Variants in ZMYM4 observed in about 807,000 individuals in gnomAD.
ZMYM4 encodes zinc finger MYM-type containing 4, also known as zinc finger MYM-type protein 4.
A neutral mutation model predicts 183.2 loss-of-function variants in ZMYM4; 31 were observed. That is an observed-to-expected ratio of 0.17 (90% confidence interval 0.13 to 0.23). The LOEUF (loss-of-function observed/expected upper bound fraction) is 0.23, where lower values mean the gene tolerates loss of function less well. Among genes scored for constraint, ZMYM4 ranks in the 10% least tolerant of loss-of-function variants. The pLI, the probability that ZMYM4 is intolerant of heterozygous loss-of-function variation, is 1.00. For synonymous variants in ZMYM4, 592 were observed against 631.2 expected, an observed-to-expected ratio of 0.94 and a Z score of 0.93; for missense variants, 1,273 against 1,840.3, an observed-to-expected ratio of 0.69 and a Z score of 5.64.
intron 1 of ZMYM4, among the ~76,000 whole-genome samples, chr1:35,273,148 G>A (rs1639701167): frequency 6.6e-6 from 1 of 152,136 alleles, no homozygotes; most frequent in South Asian, 2.1e-4. Context: ...CTCTCAATTT[G>A]TGAACACGGG....
intron 9 of ZMYM4, among the ~76,000 whole-genome samples, chr1:35,384,392 T>C (rs896993983): frequency 2.0e-5 from 3 of 152,214 alleles, no homozygotes; most frequent in African/African-American, 7.2e-5. Context: ...AATTGATTCT[T>C]TAAGAAGGAA....
chr1:35,385,304 CTA>C (rs1644552514), intron 9 of ZMYM4, 136 bp from the exon 10 acceptor site: 1 of 906,090 alleles, frequency 1.1e-6, no homozygotes, highest in African/African-American at 1.7e-5. Flanking sequence ...ATGAAACTTC[CTA>C]TTGAGGATTA....
rs768356362 is a variant in ZMYM4, at chr1:35,361,805, T to C, written c.840+16T>C. Reference sequence around the variant, plus strand: ...CAATGCTCAAGTAAACATTTCACCTTTTTTCCCCCCTTCTTTTTGTTCCAC... The same window carrying C: ...CAATGCTCAAGTAAACATTTCACCTCTTTTCCCCCCTTCTTTTTGTTCCAC... On this transcript the variant is annotated intron_variant, in intron 5 of 29. Transcript: ENST00000314607. 26 of 1,591,324 alleles carry C rather than the reference T, an allele frequency of 1.6e-5. No individual in the cohort carries two copies. Among genetic ancestry groups the C allele is most frequent in the Non-Finnish European group, 2.2e-5 (26 of 1,171,664 alleles).
rs540610323 is a variant in ZMYM4, at chr1:35,385,689, A to G, written c.1720+97A>G. 198 of 1,333,462 alleles carry G rather than the reference A, an allele frequency of 1.5e-4. 1 individual carries two copies. In the African/African-American group the frequency reaches 1.9e-3, roughly 13 times the overall value. The allele number at this position is 1,333,462 out of a possible 1,614,324, so 82.6% of individuals were successfully genotyped here. A position where few individuals can be genotyped will look rare whatever the true frequency, so the allele number is the denominator to read the frequency against. On this transcript the variant is annotated intron_variant, in intron 10 of 29. Coordinates refer to ENST00000314607, the MANE Select transcript of ZMYM4 (RefSeq NM_005095.3). ...TTTTTTTGGTTGATTTTTAAGGCAC[A>G]TTTAACATATTTCAGATATTTGTTG...
intron 26 of ZMYM4, 45 bp downstream of exon 26, chr1:35,408,204 G>A: frequency 6.2e-7 from 1 of 1,607,452 alleles, no homozygotes; most frequent in Non-Finnish European, 8.5e-7. Context: ...CAAATCCATT[G>A]ACCAGAATAT....
intron 1 of ZMYM4, among the ~76,000 whole-genome samples, chr1:35,285,588 C>T (rs186847720): frequency 2.2e-4 from 33 of 152,042 alleles, no homozygotes; most frequent in South Asian, 6.2e-4. Flanking sequence ...AAAAAAAATA[C>T]AACATTTAAA....
chr1:35,325,676 C>G (rs10493071), intron 2 of ZMYM4, among the ~76,000 whole-genome samples: 10,934 of 151,874 alleles, frequency 0.072, 1,014 homozygotes, highest in African/African-American at 0.21. Context: ...ATTATACTTA[C>G]CACTATTAAG....
At chr1:35,280,068 G>A (rs1431160442) in intron 1 of ZMYM4, among the ~76,000 whole-genome samples, 1 of 149,160 alleles carries the variant, frequency 6.7e-6, no homozygotes, top group Non-Finnish European at 1.5e-5. Context: ...CAATTTCAAA[G>A]CCACCTTTAC....
At chr1:35,354,722 G>C (rs1230642112) in intron 2 of ZMYM4, among the ~76,000 whole-genome samples, 1 of 58,502 alleles carries the variant, frequency 1.7e-5, no homozygotes, top group Non-Finnish European at 2.8e-5. Context: ...GTGAAACTTT[G>C]TCTTTAAAAA....
intron 1 of ZMYM4, among the ~76,000 whole-genome samples, chr1:35,271,458 G>A (rs1356528476): frequency 2.6e-5 from 4 of 151,912 alleles, no homozygotes; most frequent in South Asian, 2.1e-4. Flanking sequence ...GCTAGAGTGC[G>A]GTGGCGCAAT....
chr1:35,411,293 ACAGGCGCCCGC>A (rs1639884101), intron 26 of ZMYM4, among the ~76,000 whole-genome samples: 1 of 148,082 alleles, frequency 6.8e-6, no homozygotes, highest in African/African-American at 2.5e-5. Context: ...AGCTGGGATT[ACAGGCGCCCGC>A]CACTATGCCC....
chr1:35,406,251 A>G (rs933232136), intron 25 of ZMYM4, among the ~76,000 whole-genome samples: 2 of 152,292 alleles, frequency 1.3e-5, no homozygotes, highest in Non-Finnish European at 2.9e-5. Flanking sequence ...TGACTAACTC[A>G]TTGAGTTCCT....
chr1:35,289,581 C>T (rs998754954), intron 1 of ZMYM4, among the ~76,000 whole-genome samples: 6 of 152,124 alleles, frequency 3.9e-5, no homozygotes, highest in Admixed American at 1.3e-4. Context: ...TTACTTAACA[C>T]CTACAGTGTA....
chr1:35,347,699 A>G (rs1249751864), intron 2 of ZMYM4, among the ~76,000 whole-genome samples: 1 of 152,178 alleles, frequency 6.6e-6, no homozygotes. Flanking sequence ...AAATTTTGGA[A>G]TTAGAAGGAA....
intron 2 of ZMYM4, among the ~76,000 whole-genome samples, chr1:35,332,518 T>C (rs1017489336): frequency 1.9e-4 from 29 of 151,808 alleles, no homozygotes; most frequent in Non-Finnish European, 2.9e-5. Flanking sequence ...TGTTCACTCA[T>C]GTTTGGTGCC....
At chr1:35,359,850 A>G (rs1021128394) in intron 3 of ZMYM4, among the ~76,000 whole-genome samples, 2 of 151,728 alleles carry the variant, frequency 1.3e-5, no homozygotes, top group African/African-American at 4.8e-5. Flanking sequence ...TTTAATTTTA[A>G]TTTAATTTTT....
intron 2 of ZMYM4, among the ~76,000 whole-genome samples, chr1:35,344,765 A>G (rs552052803): frequency 6.6e-6 from 1 of 152,184 alleles, no homozygotes; most frequent in Non-Finnish European, 1.5e-5. Context: ...TTAAGCAGCT[A>G]TGTTTGTGAA....
rs1021060310 is a variant in ZMYM4 at position 35,309,025 on chromosome 1, T to G, written c.40-16335T>G. ...GAATGACAGAAAATGGAAGACATGT[T>G]AGAATGGTATGTGAATTTGGGGAGA... On this transcript the variant is annotated intron_variant, in intron 1 of 29. Transcript: ENST00000314607. The G allele has an allele frequency of 1.0e-5, 10 of 985,248 alleles. No homozygotes were observed. The African/African-American group carries it at 1.4e-4, about 14-fold the overall frequency. The allele number at this position is 985,248 out of a possible 1,614,324, so 61.0% of individuals were successfully genotyped here.
intron 5 of ZMYM4, among the ~76,000 whole-genome samples, chr1:35,365,386 G>T (rs186595601): frequency 2.0e-5 from 3 of 151,688 alleles, no homozygotes; most frequent in African/African-American, 2.4e-5. Context: ...TTTCCATAGG[G>T]TCTAAAAACT....
Sources: allele counts gnomAD v4.1 joint callset (sites outside exome capture counted in the v4.1 genomes callset), GRCh38; gene constraint gnomAD v4.1.1; transcripts MANE v1.5; gene names NCBI Gene and HGNC (gene_info 2026-07-23, HGNC 2026-07-21).